The following DPYD variants were observed in gnomAD, a reference collection of about 807,000 sequenced individuals.
DPYD encodes dihydropyrimidine dehydrogenase [NADP(+)].
DPYD carries 109 observed loss-of-function variants against 116.2 expected under a neutral mutation model. That is an observed-to-expected ratio of 0.94 (90% CI 0.80 to 1.10). The LOEUF is 1.10. DPYD is among the 50% of genes least tolerant of loss of function. The pLI, the probability that DPYD is intolerant of heterozygous loss-of-function variation, is 0.00. For synonymous variants in DPYD, 440 were observed against 432.0 expected (o/e 1.02, Z -0.23); for missense variants, 1,302 against 1,254.5 (o/e 1.04, Z -0.57).
At chr1:97,490,117 G>A (rs1678883800) in intron 13 of DPYD, among the ~76,000 whole-genome samples, 1 of 151,686 alleles carries the variant, frequency 6.6e-6, no homozygotes, top group South Asian at 2.1e-4. Context: ...TACACGAAAT[G>A]GTATATGAAA....
intron 19 of DPYD, among the ~76,000 whole-genome samples, chr1:97,203,253 TG>T (rs1388381427): frequency 1.3e-5 from 2 of 151,988 alleles, no homozygotes; most frequent in African/African-American, 4.8e-5. Flanking sequence ...ATGATAAAAG[TG>T]GGGTAAGAAA....
chr1:97,915,920 T>A (rs1674188672), intron 1 of DPYD, among the ~76,000 whole-genome samples: 1 of 152,176 alleles, frequency 6.6e-6, no homozygotes, highest in South Asian at 2.1e-4. Context: ...TTCAGTCTCA[T>A]TGTCTTCTAG....
chr1:97,734,819 G>GA lies in DPYD; in HGVS notation c.321+5572dup, dbSNP rs1297593510. 5.9e-5 allele frequency among the ~76,000 whole-genome samples: 9 copies of GA among 151,536 alleles called. 1 individual carries two copies. The South Asian group carries it at 8.3e-4, about 14-fold the overall frequency. On this transcript the variant is annotated intron_variant, in intron 4 of 22. Coordinates refer to ENST00000370192, the MANE Select transcript of DPYD (RefSeq NM_000110.4). ...AGGGTCTCCAAGCATATAGGTTTTA[G>GA]AAAAAAAAGCTCAAGGCCCACCTAA...
intron 3 of DPYD, among the ~76,000 whole-genome samples, chr1:97,821,730 A>T (rs1043257008): frequency 1.3e-5 from 2 of 152,162 alleles, no homozygotes; most frequent in Non-Finnish European, 2.9e-5. Context: ...ACTGCAGTGA[A>T]CTTCTCCATT....
At chr1:97,900,718 G>C (rs901871642) in intron 1 of DPYD, among the ~76,000 whole-genome samples, 2 of 151,670 alleles carry the variant, frequency 1.3e-5, no homozygotes, top group South Asian at 2.1e-4. Flanking sequence ...ATAATGATGT[G>C]AATAAAATAT....
At chr1:97,443,346 G>GTT (rs534565207) in intron 14 of DPYD, among the ~76,000 whole-genome samples, 50 of 152,300 alleles carry the variant, frequency 3.3e-4, no homozygotes, top group African/African-American at 1.1e-3. Context: ...AGGATGGGAT[G>GTT]TAAGTATATA....
chr1:97,614,784 A>C lies in DPYD; in HGVS notation c.851-19618T>G, dbSNP rs188149760. ...GAGACATTGGATACCATGAAATATC[A>C]TTGTCTCATTTTAGCACTGAGGAAA... On this transcript the variant is annotated intron_variant, in intron 8 of 22. Coordinates refer to ENST00000370192, the MANE Select transcript of DPYD (RefSeq NM_000110.4). 2.8e-3 allele frequency among the ~76,000 whole-genome samples: 424 copies of C among 152,256 alleles called. 1 individual carries two copies. Among genetic ancestry groups the C allele is most frequent in the Non-Finnish European group, 4.5e-3 (308 of 67,984 alleles).
Position 97,079,023 on chromosome 1 carries a change from A to C in DPYD, c.3031T>G (p.Tyr1011Asp). Reference sequence around the variant, plus strand: ...AAGGGTACGCCTCTCTTTGGTTCATAAGGTGTTGTCCTGGAAACCATTTTG... The same window carrying C: ...AAGGGTACGCCTCTCTTTGGTTCATCAGGTGTTGTCCTGGAAACCATTTTG... ...CIKMVSRTTPYEPKRGVPLSV... is the reference protein window; with the variant it reads ...CIKMVSRTTPDEPKRGVPLSV... Residue 1011 changes from tyrosine (Y) to aspartate (D), a missense_variant, in exon 23 of 23, where the codon TAT (tyrosine) becomes GAT (aspartate). Physicochemically the swap from Tyr to Asp is radical, Grantham distance 160. Coordinates refer to ENST00000370192, the MANE Select transcript of DPYD (RefSeq NM_000110.4). 1 of 1,613,774 alleles carries C rather than the reference A, an allele frequency of 6.2e-7. No individual in the cohort carries two copies. The highest frequency in any genetic ancestry group is 8.5e-7 in the Non-Finnish European group (1 of 1,179,722).
At chr1:97,350,070 C>A (rs1222451197) in intron 16 of DPYD, among the ~76,000 whole-genome samples, 2 of 151,996 alleles carry the variant, frequency 1.3e-5, no homozygotes, top group East Asian at 3.9e-4. Flanking sequence ...GTGAGAGAAA[C>A]CAGTCTCAGA....
At chr1:97,657,003 T>A (rs1325075922) in intron 8 of DPYD, among the ~76,000 whole-genome samples, 1 of 151,358 alleles carries the variant, frequency 6.6e-6, no homozygotes, top group African/African-American at 2.4e-5. Context: ...AGTTTCACTT[T>A]GTAGCCCAGG....
At chr1:97,784,159 A>T (rs1050671715) in intron 3 of DPYD, among the ~76,000 whole-genome samples, 3 of 152,198 alleles carry the variant, frequency 2.0e-5, no homozygotes, top group Non-Finnish European at 2.9e-5. Flanking sequence ...CGTTCAACAT[A>T]GGAGGAATAC....
intron 7 of DPYD, among the ~76,000 whole-genome samples, chr1:97,689,359 AG>A (rs1451700231): frequency 4.6e-5 from 7 of 152,154 alleles, no homozygotes; most frequent in Middle Eastern, 3.4e-3. Context: ...TAAACTACTA[AG>A]TATACAGGAC....
intron 14 of DPYD, among the ~76,000 whole-genome samples, chr1:97,414,722 T>C (rs1248610398): frequency 1.3e-5 from 2 of 152,234 alleles, no homozygotes; most frequent in Admixed American, 6.5e-5. Flanking sequence ...CTAGAAAATG[T>C]CTTAGTTAAG....
intron 19 of DPYD, among the ~76,000 whole-genome samples, chr1:97,206,689 A>ATATAC (rs1659654169): frequency 5.8e-5 from 5 of 85,610 alleles, no homozygotes; most frequent in African/African-American, 1.4e-4. Context: ...TATATATATA[A>ATATAC]TCTATATGCT....
intron 3 of DPYD, among the ~76,000 whole-genome samples, chr1:97,757,274 G>A (rs1665302467): frequency 1.3e-5 from 2 of 152,156 alleles, no homozygotes; most frequent in Non-Finnish European, 2.9e-5. Flanking sequence ...AGTGAGATCA[G>A]GGGATCAGGA....
chr1:97,627,937 C>T (rs971346667), intron 8 of DPYD, among the ~76,000 whole-genome samples: 11 of 151,948 alleles, frequency 7.2e-5, no homozygotes, highest in African/African-American at 2.2e-4. Flanking sequence ...ACTTTAGATG[C>T]TATCCTTAAA....
chr1:97,716,648 T>C (rs1400910592), intron 5 of DPYD, among the ~76,000 whole-genome samples: 1 of 152,038 alleles, frequency 6.6e-6, no homozygotes, highest in Non-Finnish European at 1.5e-5. Flanking sequence ...TGACACAATG[T>C]ACAAAGAATA....
In DPYD at chr1:97,741,815, CTAAG is replaced by C. The variant is rs1033957604; in HGVS notation, c.234-1340_234-1337del. ...GAGAATCTGGGTGAAATATAGCATGCTAAGGGAGCACAGATGAAAGACAGTAGTC... is the reference window on the plus strand; with the variant it reads ...GAGAATCTGGGTGAAATATAGCATGCGGAGCACAGATGAAAGACAGTAGTC... On this transcript the variant is annotated intron_variant, in intron 3 of 22. Transcript: ENST00000370192. Among the ~76,000 whole-genome samples, 10 of 151,958 alleles carry C rather than the reference CTAAG, an allele frequency of 6.6e-5. No homozygotes were observed. The East Asian group carries it at 7.7e-4, about 12-fold the overall frequency.
intron 10 of DPYD, among the ~76,000 whole-genome samples, chr1:97,587,689 T>C (rs1654228233): frequency 6.6e-6 from 1 of 151,502 alleles, no homozygotes; most frequent in Non-Finnish European, 1.5e-5. Context: ...TAGACGGGCA[T>C]GGTGGTGGGC....
Sources: allele counts gnomAD v4.1 joint callset (sites outside exome capture counted in the v4.1 genomes callset), GRCh38; gene constraint gnomAD v4.1.1; transcripts MANE v1.5; gene names NCBI Gene and HGNC (gene_info 2026-07-23, HGNC 2026-07-21).